Variants in FGF13 observed in about 807,000 individuals in gnomAD.
FGF13 encodes the protein fibroblast growth factor homologous factor 2.
Under a neutral mutation model 19.5 loss-of-function variants are expected in FGF13, and 2 were observed. The ratio of observed to expected loss-of-function variants is 0.10; its 90% CI spans 0.04 to 0.32. The LOEUF is 0.32. Ranked by LOEUF, FGF13 falls within the 10% of genes least tolerant of loss-of-function variation. The pLI is 1.00. For missense variants in FGF13, 113 were observed against 192.7 expected, an observed-to-expected ratio of 0.59 and a Z score of 2.45; for synonymous variants, 72 against 76.9, an observed-to-expected ratio of 0.94 and a Z score of 0.33.
chrX:138,868,425 T>G (rs912801106), intron 1 of FGF13, among the ~76,000 whole-genome samples: 4 of 110,902 alleles, frequency 3.6e-5, no homozygotes, highest in Non-Finnish European at 7.5e-5. Flanking sequence ...GCTGGACATA[T>G]GTCTTTGACA....
At chrX:138,990,660 C>T (rs777983961) in intron 1 of FGF13, 22 of 111,055 alleles carry the variant, frequency 2.0e-4, no homozygotes, top group Non-Finnish European at 4.0e-4. Context: ...CATTCAGTAT[C>T]ACCAGAACAG....
chrX:138,789,010 T>C (rs2090717283), intron 3 of FGF13, among the ~76,000 whole-genome samples: 1 of 111,622 alleles, frequency 9.0e-6, no homozygotes. Context: ...CACCAAAACA[T>C]GAACATGACT....
At chrX:138,660,402 C>G (rs2089479569) in intron 3 of FGF13, among the ~76,000 whole-genome samples, 1 of 111,495 alleles carries the variant, frequency 9.0e-6, no homozygotes, top group Admixed American at 9.5e-5. Flanking sequence ...CAAGGCAAAC[C>G]AATGATTTGG....
intron 1 of FGF13, among the ~76,000 whole-genome samples, chrX:139,074,178 T>C (rs1013825033): frequency 7.1e-5 from 8 of 112,256 alleles, no homozygotes; most frequent in African/African-American, 2.6e-4. Flanking sequence ...CTTTTATTCA[T>C]TTGAAAGCCA....
intron 1 of FGF13, among the ~76,000 whole-genome samples, chrX:138,898,866 G>A (rs1434277476): frequency 9.0e-6 from 1 of 111,650 alleles, no homozygotes; most frequent in African/African-American, 3.3e-5. Flanking sequence ...ATTTATTGTT[G>A]CCTCCCTTCT....
At chrX:138,722,447 C>G (rs773712087) in intron 1 of FGF13, among the ~76,000 whole-genome samples, 1 of 111,435 alleles carries the variant, frequency 9.0e-6, no homozygotes, top group Non-Finnish European at 1.9e-5. Context: ...TGAGCTGAAA[C>G]CACAGAGAAA....
chrX:138,706,597 A>G (rs968027920), intron 2 of FGF13, among the ~76,000 whole-genome samples: 1 of 112,131 alleles, frequency 8.9e-6, no homozygotes, highest in African/African-American at 3.2e-5. Context: ...TCACGAATAC[A>G]TATTAGGGAA....
At chrX:139,104,382 C>T (rs1263618677) in intron 1 of FGF13, among the ~76,000 whole-genome samples, 1 of 109,441 alleles carries the variant, frequency 9.1e-6, no homozygotes, top group Non-Finnish European at 1.9e-5. Context: ...AAGAGTGAAA[C>T]TTAATAGCCA....
intron 1 of FGF13, among the ~76,000 whole-genome samples, chrX:139,099,916 A>G (rs1179122845): frequency 9.0e-6 from 1 of 110,770 alleles, no homozygotes; most frequent in African/African-American, 3.3e-5. Flanking sequence ...TAAGTCCAGA[A>G]CCATAGCCTG....
At chrX:139,116,582 C>T (rs932912700) in intron 1 of FGF13, among the ~76,000 whole-genome samples, 2 of 111,313 alleles carry the variant, frequency 1.8e-5, no homozygotes, top group Non-Finnish European at 3.8e-5. Context: ...TCATTGCAAA[C>T]CTAAAAGCTC....
intron 1 of FGF13, among the ~76,000 whole-genome samples, chrX:139,126,031 AGTCAAATAG>A (rs2083713474): frequency 8.9e-6 from 1 of 112,040 alleles, no homozygotes; most frequent in Non-Finnish European, 1.9e-5. Flanking sequence ...ATTTCTTCAC[AGTCAAATAG>A]GGATGATAAA....
chrX:138,826,796 A>C (rs1360771523), intron 3 of FGF13, among the ~76,000 whole-genome samples: 2 of 112,392 alleles, frequency 1.8e-5, no homozygotes, highest in Admixed American at 1.9e-4. Flanking sequence ...CCTCTTTATA[A>C]ATCCAAATAC....
intron 1 of FGF13, among the ~76,000 whole-genome samples, chrX:139,111,170 TG>T (rs1216738750): frequency 1.2e-4 from 13 of 111,576 alleles, no homozygotes; most frequent in Admixed American, 1.0e-3. Flanking sequence ...TCCCAGCTGG[TG>T]GGAACAGCCA....
chrX:138,782,601 T>A (rs2090654471), intron 3 of FGF13, among the ~76,000 whole-genome samples: 1 of 98,552 alleles, frequency 1.0e-5, no homozygotes, highest in South Asian at 5.4e-4. Context: ...GAATCCAACT[T>A]ACAAGGGATG....
chrX:138,974,498 T>G (rs1049405592), intron 1 of FGF13, among the ~76,000 whole-genome samples: 4 of 112,133 alleles, frequency 3.6e-5, no homozygotes, highest in African/African-American at 1.3e-4. Flanking sequence ...AAGACTCATC[T>G]CTACAGTTCA....
rs979924938 is a variant in FGF13 at position 138,619,831 on chromosome X, G to T, written c.*13019C>A. 2.7e-5 allele frequency: 3 copies of T among 112,056 alleles called. No homozygotes were observed. Among genetic ancestry groups the T allele is most frequent in the Non-Finnish European group, 3.8e-5 (2 of 53,236 alleles). 9.2% of individuals were successfully genotyped at this position (112,056 alleles called of 1,213,427 possible). A position where few individuals can be genotyped will look rare whatever the true frequency, so the allele number is the denominator to read the frequency against. On this transcript the variant is annotated 3_prime_UTR_variant, in exon 5 of 5. Coordinates refer to ENST00000315930, the MANE Select transcript of FGF13 (RefSeq NM_004114.5). ...TCAAAAAATGACAGATGCTGGCAAG[G>T]TTGCAGAGAAATAGGAACACTTTTA...
At chrX:138,808,749 A>G (rs2090894362) in intron 3 of FGF13, among the ~76,000 whole-genome samples, 1 of 111,899 alleles carries the variant, frequency 8.9e-6, no homozygotes, top group Non-Finnish European at 1.9e-5. Flanking sequence ...GCAATAAAAA[A>G]TGATAAAGGG....
intron 1 of FGF13, among the ~76,000 whole-genome samples, chrX:139,186,046 A>G (rs1240014125): frequency 8.9e-6 from 1 of 111,924 alleles, no homozygotes; most frequent in Non-Finnish European, 1.9e-5. Context: ...GCACCTAACC[A>G]GGAAGTATAC....
chrX:139,003,412 A>G (rs2092083542), intron 1 of FGF13, among the ~76,000 whole-genome samples: 1 of 111,703 alleles, frequency 9.0e-6, no homozygotes, highest in Non-Finnish European at 1.9e-5. Flanking sequence ...CAAAGAGCGA[A>G]AGAACAAAGC....
Sources: allele counts gnomAD v4.1 joint callset (sites outside exome capture counted in the v4.1 genomes callset), GRCh38; gene constraint gnomAD v4.1.1; transcripts MANE v1.5; gene names NCBI Gene and HGNC (gene_info 2026-07-23, HGNC 2026-07-21).